The following ZNF804A variants were observed in gnomAD, a reference collection of about 807,000 sequenced individuals.
ZNF804A encodes the protein zinc finger protein 804A.
In ZNF804A, 2 loss-of-function variants were observed where a neutral mutation model predicts 16.5. That is an observed-to-expected ratio of 0.12 (90% CI 0.05 to 0.38). The LOEUF is 0.38. Among genes scored for constraint, ZNF804A ranks in the 10% least tolerant of loss-of-function variants. The pLI, the probability that ZNF804A is intolerant of heterozygous loss-of-function variation, is 0.99. For synonymous variants in ZNF804A, 534 were observed against 489.6 expected (o/e 1.09, Z -1.20); for missense variants, 1,473 against 1,390.7 (o/e 1.06, Z -0.94).
At chr2:184,652,431 T>C (rs954593457) in intron 1 of ZNF804A, among the ~76,000 whole-genome samples, 2 of 152,056 alleles carry the variant, frequency 1.3e-5, no homozygotes, top group Admixed American at 1.3e-4. Flanking sequence ...GAATCTGAAA[T>C]AACAGATGAA....
intron 1 of ZNF804A, among the ~76,000 whole-genome samples, chr2:184,754,130 C>T (rs1050118808): frequency 6.6e-6 from 1 of 151,686 alleles, no homozygotes; most frequent in Admixed American, 6.6e-5. Flanking sequence ...TTAAGAATGT[C>T]CCCAGGCTCA....
At chr2:184,903,851 CT>C (rs1475968501) in intron 2 of ZNF804A, among the ~76,000 whole-genome samples, 18 of 152,190 alleles carry the variant, frequency 1.2e-4, no homozygotes, top group East Asian at 5.8e-4. Context: ...ATCATTCCTA[CT>C]TTTTTTCTTT....
At chr2:184,816,159 C>G (rs1402742459) in intron 1 of ZNF804A, among the ~76,000 whole-genome samples, 1 of 151,994 alleles carries the variant, frequency 6.6e-6, no homozygotes, top group African/African-American at 2.4e-5. Context: ...TAGGCTACAA[C>G]TTTATTAGCT....
At position 184,938,107 on chromosome 2, in the gene ZNF804A, C is replaced by G. The variant is rs757335985; in HGVS notation, c.2711C>G (p.Ser904Cys). 2 of 1,614,140 alleles carry G rather than the reference C, an allele frequency of 1.2e-6. No individual in the cohort carries two copies. Among genetic ancestry groups the G allele is most frequent in the Non-Finnish European group, 1.7e-6 (2 of 1,180,014 alleles). The change falls in exon 4 of 4, where the codon TCT becomes TGT. Residue 904 changes from serine (S) to cysteine (C), a missense_variant. Ser to Cys is a moderately radical substitution (Grantham distance 112). Coordinates refer to ENST00000302277, the MANE Select transcript of ZNF804A (RefSeq NM_194250.2). Reference protein sequence around the residue: ...ETEHLEMETTSGELSDVSNDP... With the variant: ...ETEHLEMETTCGELSDVSNDP... ...GAGCATTTAGAAATGGAGACCACTTCTGGTGAATTGTCAGATGTTTCCAAT... is the reference window on the plus strand; with the variant it reads ...GAGCATTTAGAAATGGAGACCACTTGTGGTGAATTGTCAGATGTTTCCAAT...
At chr2:184,911,806 A>T (rs560134376) in intron 2 of ZNF804A, among the ~76,000 whole-genome samples, 18 of 152,096 alleles carry the variant, frequency 1.2e-4, no homozygotes, top group Admixed American at 9.2e-4. Flanking sequence ...TGAATAAATT[A>T]AAAAACAAAT....
intron 1 of ZNF804A, among the ~76,000 whole-genome samples, chr2:184,742,662 G>A (rs1325879601): frequency 3.0e-5 from 4 of 131,310 alleles, no homozygotes; most frequent in Non-Finnish European, 6.3e-5. Flanking sequence ...ATAAATATTT[G>A]TAAATTATTT....
chr2:184,716,944 A>T (rs771700350), intron 1 of ZNF804A, among the ~76,000 whole-genome samples: 1 of 152,030 alleles, frequency 6.6e-6, no homozygotes, highest in East Asian at 1.9e-4. Flanking sequence ...TACTCCTCCA[A>T]CTGTCCTCTT....
intron 1 of ZNF804A, among the ~76,000 whole-genome samples, chr2:184,851,772 C>A (rs971763289): frequency 2.0e-5 from 3 of 151,844 alleles, no homozygotes; most frequent in African/African-American, 4.8e-5. Context: ...TATTGTTTTG[C>A]ATAATGGCTT....
intron 1 of ZNF804A, among the ~76,000 whole-genome samples, chr2:184,820,203 A>G (rs867279260): frequency 6.6e-6 from 1 of 152,138 alleles, no homozygotes. Context: ...GCAGCACATA[A>G]AAAAGGTTAT....
At chr2:184,641,714 A>G (rs1166889892) in intron 1 of ZNF804A, among the ~76,000 whole-genome samples, 1 of 152,192 alleles carries the variant, frequency 6.6e-6, no homozygotes, top group Non-Finnish European at 1.5e-5. Flanking sequence ...CTTTGCCAGG[A>G]AAGTTTCCAA....
chr2:184,662,997 AT>A (rs1259001561), intron 1 of ZNF804A, among the ~76,000 whole-genome samples: 3 of 152,222 alleles, frequency 2.0e-5, no homozygotes, highest in Non-Finnish European at 2.9e-5. Context: ...GATATTTATC[AT>A]TGATGTAGTA....
chr2:184,900,652 A>C (rs973733504), intron 2 of ZNF804A, among the ~76,000 whole-genome samples: 1 of 152,138 alleles, frequency 6.6e-6, no homozygotes, highest in Non-Finnish European at 1.5e-5. Flanking sequence ...ATTGGGGAAA[A>C]TGTCATGAAG....
At chr2:184,848,839 T>C (rs1695560878) in intron 1 of ZNF804A, among the ~76,000 whole-genome samples, 1 of 152,082 alleles carries the variant, frequency 6.6e-6, no homozygotes, top group African/African-American at 2.4e-5. Context: ...ACATCTTAAA[T>C]TCTAGAAAAC....
chr2:184,671,787 T>C (rs929146754), intron 1 of ZNF804A, among the ~76,000 whole-genome samples: 12 of 152,372 alleles, frequency 7.9e-5, no homozygotes, highest in Non-Finnish European at 1.5e-4. Context: ...CACTTGTCTG[T>C]GTCTTCAGAT....
intron 1 of ZNF804A, among the ~76,000 whole-genome samples, chr2:184,655,263 G>A (rs1315154501): frequency 6.6e-6 from 1 of 152,128 alleles, no homozygotes; most frequent in South Asian, 2.1e-4. Flanking sequence ...TGTAGAATTA[G>A]TGCTTCTGTG....
intron 1 of ZNF804A, among the ~76,000 whole-genome samples, chr2:184,793,726 ACC>A (rs1694588441): frequency 6.6e-6 from 1 of 152,018 alleles, no homozygotes; most frequent in Non-Finnish European, 1.5e-5. Context: ...CCACCTTCCC[ACC>A]CTTTCTCTCT....
At chr2:184,866,056 T>G (rs542275888) in intron 1 of ZNF804A, among the ~76,000 whole-genome samples, 12 of 152,334 alleles carry the variant, frequency 7.9e-5, no homozygotes, top group Admixed American at 5.2e-4. Flanking sequence ...TCAAGATAGC[T>G]ATGTGATTTT....
intron 2 of ZNF804A, among the ~76,000 whole-genome samples, chr2:184,909,834 G>A (rs1381268040): frequency 6.6e-6 from 1 of 151,998 alleles, no homozygotes; most frequent in Non-Finnish European, 1.5e-5. Flanking sequence ...TATGTGCTAT[G>A]CCAAGAGTTT....
intron 1 of ZNF804A, among the ~76,000 whole-genome samples, chr2:184,769,430 G>A (rs1474649970): frequency 6.6e-6 from 1 of 151,894 alleles, no homozygotes; most frequent in African/African-American, 2.4e-5. Flanking sequence ...TATATTTCTG[G>A]AACCAAAATT....
Sources: gnomAD v4.1 joint callset for allele counts (sites outside exome capture counted in the v4.1 genomes callset) on GRCh38, gnomAD v4.1.1 for gene constraint, MANE v1.5 for transcripts, NCBI Gene and HGNC (gene_info 2026-07-23, HGNC 2026-07-21) for gene names.